Variants in TANC2 observed in about 807,000 individuals in gnomAD.
TANC2 encodes tetratricopeptide repeat, ankyrin repeat and coiled-coil containing 2, also known as protein TANC2.
Under a neutral mutation model 210.5 loss-of-function variants are expected in TANC2, and 26 were observed. The ratio of observed to expected loss-of-function variants is 0.12; its 90% CI spans 0.09 to 0.17. The LOEUF (loss-of-function observed/expected upper bound fraction) is 0.17. TANC2 is among the 10% of genes least tolerant of loss of function. TANC2 has a pLI of 1.00. For missense variants in TANC2, 2,129 were observed against 2,608.9 expected (o/e 0.82, Z 4.01); for synonymous variants, 931 against 967.1 (o/e 0.96, Z 0.69).
At chr17:63,037,029 A>G (rs1363726649) in intron 2 of TANC2, among the ~76,000 whole-genome samples, 1 of 152,110 alleles carries the variant, frequency 6.6e-6, no homozygotes, top group South Asian at 2.1e-4. Flanking sequence ...TACGCATAGT[A>G]AGATATTCAC....
chr17:63,006,405 T>C (rs1244071859), intron 1 of TANC2, among the ~76,000 whole-genome samples: 5 of 152,182 alleles, frequency 3.3e-5, no homozygotes, highest in Non-Finnish European at 7.4e-5. Context: ...AAGGTGTAAA[T>C]TCCTTTAAAA....
At chr17:63,009,854 A>G (rs1299750109) in intron 2 of TANC2, among the ~76,000 whole-genome samples, 1 of 152,176 alleles carries the variant, frequency 6.6e-6, no homozygotes, top group Non-Finnish European at 1.5e-5. Flanking sequence ...ATTTATTTCT[A>G]ATATATTAGA....
At chr17:63,006,028 T>C (rs865901738) in intron 1 of TANC2, among the ~76,000 whole-genome samples, 1 of 151,960 alleles carries the variant, frequency 6.6e-6, no homozygotes, top group Non-Finnish European at 1.5e-5. Flanking sequence ...TGACAAGTTA[T>C]ATTTTTCAAA....
rs1451054713 is a variant in TANC2 at position 63,241,417 on chromosome 17, G to A, written c.1033+3340G>A. The stretch of plus-strand genomic sequence containing the variant: ...GGGGAAAAAAATGGAGATTTTAAGA[G>A]ATTTCTGTTTCTCTAAGAGAGCAGT... On this transcript the variant is annotated intron_variant, in intron 8 of 27. Coordinates refer to ENST00000689528, the Ensembl canonical transcript of TANC2. Among the ~76,000 whole-genome samples the A allele has an allele frequency of 3.9e-5, 6 of 152,184 alleles. No homozygotes were observed. The East Asian group carries it at 9.6e-4, about 24-fold the overall frequency.
intron 12 of TANC2, among the ~76,000 whole-genome samples, chr17:63,346,294 G>A (rs1419584203): frequency 6.6e-6 from 1 of 152,096 alleles, no homozygotes; most frequent in Admixed American, 6.6e-5. Flanking sequence ...AAAAATATTT[G>A]CTCAACAAAA....
intron 9 of TANC2, among the ~76,000 whole-genome samples, chr17:63,297,670 A>C (rs1275618377): frequency 6.6e-6 from 1 of 152,162 alleles, no homozygotes; most frequent in Non-Finnish European, 1.5e-5. Flanking sequence ...TAGCTATGAC[A>C]CCAAAAGCAT....
intron 4 of TANC2, chr17:63,148,326 A>T (rs2039531784): frequency 1.3e-5 from 2 of 152,190 alleles, no homozygotes; most frequent in Non-Finnish European, 2.9e-5. Flanking sequence ...ATATCACTGT[A>T]TCCAAGCACT....
At chr17:63,197,012 A>T (rs756404770) in intron 6 of TANC2, among the ~76,000 whole-genome samples, 5 of 152,196 alleles carry the variant, frequency 3.3e-5, no homozygotes, top group Non-Finnish European at 7.4e-5. Context: ...AACACCTGAC[A>T]GGGTTGTTGA....
At chr17:63,379,540 G>A (rs372065562) in intron 14 of TANC2, among the ~76,000 whole-genome samples, 178 bp from the exon 15 acceptor site, 20 of 152,152 alleles carry the variant, frequency 1.3e-4, no homozygotes, top group Non-Finnish European at 2.6e-4. Flanking sequence ...ATGGTGGCAG[G>A]CGCCTGTAAT....
chr17:63,356,247 G>A (rs1457033020), intron 14 of TANC2, among the ~76,000 whole-genome samples: 1 of 152,032 alleles, frequency 6.6e-6, no homozygotes, highest in Admixed American at 6.6e-5. Context: ...TCCTGGTCGG[G>A]GTGTGCTTTT....
At chr17:63,169,782 C>G (rs1049379157) in intron 5 of TANC2, among the ~76,000 whole-genome samples, 2 of 151,542 alleles carry the variant, frequency 1.3e-5, no homozygotes, top group South Asian at 4.2e-4. Flanking sequence ...CTATTGCACT[C>G]CAGCCTGGCA....
chr17:63,045,101 T>A (rs2035328226), intron 2 of TANC2, among the ~76,000 whole-genome samples: 1 of 152,214 alleles, frequency 6.6e-6, no homozygotes, highest in Non-Finnish European at 1.5e-5. Context: ...CTATCAACAT[T>A]ACAAAAAATT....
At chr17:63,406,098 G>A in intron 20 of TANC2, 56 bp from the exon 21 acceptor site, 1 of 1,605,572 alleles carries the variant, frequency 6.2e-7, no homozygotes, top group Non-Finnish European at 8.5e-7. Context: ...GTGTGCACGT[G>A]TCTTCTCAGC....
chr17:63,014,253 T>C (rs995560659), intron 2 of TANC2, among the ~76,000 whole-genome samples: 2 of 152,224 alleles, frequency 1.3e-5, no homozygotes, highest in Non-Finnish European at 2.9e-5. Flanking sequence ...GGTGAGACAT[T>C]GTTCTCATAT....
At chr17:63,006,875 G>C (rs1369871218) in intron 1 of TANC2, among the ~76,000 whole-genome samples, 3 of 151,766 alleles carry the variant, frequency 2.0e-5, no homozygotes, top group Non-Finnish European at 1.5e-5. Context: ...TTTTAGTTTT[G>C]TATACTTTTT....
intron 4 of TANC2, chr17:63,150,003 A>C (rs530988235): frequency 6.6e-6 from 1 of 152,290 alleles, no homozygotes; most frequent in South Asian, 2.1e-4. Context: ...ACACATTTTG[A>C]AAATAGTTTC....
At chr17:63,121,211 G>GT (rs1478689077) in intron 4 of TANC2, among the ~76,000 whole-genome samples, 1 of 152,084 alleles carries the variant, frequency 6.6e-6, no homozygotes, top group Non-Finnish European at 1.5e-5. Flanking sequence ...ATAAATGTGT[G>GT]TTTTTTATCA....
chr17:63,041,226 CTTT>C (rs928390374), intron 2 of TANC2, among the ~76,000 whole-genome samples: 1 of 152,084 alleles, frequency 6.6e-6, no homozygotes, highest in African/African-American at 2.4e-5. Flanking sequence ...TACTATATTT[CTTT>C]GATTTTATCG....
At chr17:63,388,711 C>T (rs1486953581) in exon 16 of TANC2, 1 of 1,597,066 alleles carries the variant, frequency 6.3e-7, no homozygotes, top group African/African-American at 1.3e-5. Flanking sequence ...GAAGGTCTTT[C>T]CATGGCACTG....
Sources: gnomAD v4.1 joint callset for allele counts (sites outside exome capture counted in the v4.1 genomes callset) on GRCh38, gnomAD v4.1.1 for gene constraint, MANE v1.5 for transcripts, NCBI Gene and HGNC (gene_info 2026-07-23, HGNC 2026-07-21) for gene names.